The following IQGAP1 variants were observed in gnomAD, a reference collection of about 807,000 sequenced individuals.
The protein encoded by IQGAP1 is ras GTPase-activating-like protein IQGAP1.
IQGAP1 carries 66 observed loss-of-function variants against 215.6 expected under a neutral mutation model. That is an observed-to-expected ratio of 0.31 (90% confidence interval 0.25 to 0.38). The LOEUF is 0.38. Among genes scored for constraint, IQGAP1 ranks in the 10% least tolerant of loss-of-function variants. The pLI, the probability that IQGAP1 is intolerant of heterozygous loss-of-function variation, is 1.00. For missense variants in IQGAP1, 1,712 were observed against 1,997.1 expected (o/e 0.86, Z 2.72); for synonymous variants, 772 against 728.7 (o/e 1.06, Z -0.96).
chr15:90,456,926 A>G (rs779527510), intron 15 of IQGAP1, among the ~76,000 whole-genome samples: 110 of 83,224 alleles, frequency 1.3e-3, no homozygotes, highest in Middle Eastern at 6.5e-3. Flanking sequence ...GTGTGTGTGT[A>G]TATATATATA....
rs568715173 is a variant in IQGAP1, at chr15:90,411,863, T to TGA, written c.156-14246_156-14245dup. ...TCACCAGACTCTGGATCTGAAGACTTGATCAAGGAGTAAGTAATCTATTAG... is the reference window on the plus strand; with the variant it reads ...TCACCAGACTCTGGATCTGAAGACTTGAGATCAAGGAGTAAGTAATCTATTAG... On this transcript the variant is annotated intron_variant, in intron 2 of 37. Transcript: ENST00000268182. Among the ~76,000 whole-genome samples, 29 of 152,326 alleles carry TGA rather than the reference T, an allele frequency of 1.9e-4. 1 individual carries two copies. In the East Asian group the frequency reaches 5.4e-3, roughly 28 times the overall value.
chr15:90,396,123 A>G (rs546669700), intron 2 of IQGAP1, among the ~76,000 whole-genome samples: 79 of 152,314 alleles, frequency 5.2e-4, no homozygotes, highest in Admixed American at 3.3e-4. Flanking sequence ...TTGAAAAGGT[A>G]TCTTGGAAAG....
chr15:90,423,978 G>A (rs1257409189), intron 2 of IQGAP1, among the ~76,000 whole-genome samples: 3 of 151,968 alleles, frequency 2.0e-5, no homozygotes, highest in East Asian at 3.9e-4. Context: ...CTCTTTATCC[G>A]TAGTTTTCCC....
rs1964967562 is a variant in IQGAP1, at chr15:90,411,634, CAGGTTAGTAATGATTAGG to C, written c.156-14475_156-14458del. Among the ~76,000 whole-genome samples the C allele has an allele frequency of 1.5e-4, 23 of 152,132 alleles. 1 individual carries two copies. The highest frequency in any genetic ancestry group is 1.5e-3 in the Admixed American group (23 of 15,270). On this transcript the variant is annotated intron_variant, in intron 2 of 37. Coordinates refer to ENST00000268182, the MANE Select transcript of IQGAP1 (RefSeq NM_003870.4). ...TTGTTTTCTTCTCAAGAGCTGCTCA[CAGGTTAGTAATGATTAGG>C]CTGTAGAGCTGCTCACAGGTTAGTA...
intron 2 of IQGAP1, among the ~76,000 whole-genome samples, chr15:90,406,974 C>T (rs956059895): frequency 1.3e-5 from 2 of 152,270 alleles, no homozygotes; most frequent in Admixed American, 6.5e-5. Flanking sequence ...CCACTGTCCT[C>T]TGGACTAATC....
intron 26 of IQGAP1, among the ~76,000 whole-genome samples, chr15:90,478,227 G>T (rs1011774373): frequency 2.0e-5 from 3 of 152,094 alleles, no homozygotes; most frequent in African/African-American, 7.2e-5. Flanking sequence ...CTGACCTCAG[G>T]CAATCCATCT....
At chr15:90,488,704 G>T (rs1966163068) in intron 33 of IQGAP1, among the ~76,000 whole-genome samples, 2 of 152,132 alleles carry the variant, frequency 1.3e-5, no homozygotes, top group South Asian at 4.1e-4. Flanking sequence ...AAAAGAAGTG[G>T]AACCGGAGCC....
Position 90,453,179 on chromosome 15 carries a change from A to G in IQGAP1, c.1374A>G (p.Ser458=), listed in dbSNP as rs377087477. 1.4e-5 allele frequency: 22 copies of G among 1,614,026 alleles called. 1 individual carries two copies. Among genetic ancestry groups the G allele is most frequent in the Middle Eastern group, 1.7e-4 (1 of 6,054 alleles). The change falls in exon 13 of 38, where the codon TCA becomes TCG. Residue 458 remains serine, a synonymous_variant. Coordinates refer to ENST00000268182, the MANE Select transcript of IQGAP1 (RefSeq NM_003870.4). Reference sequence around the variant, plus strand: ...TCTCTGTCGCAGTGGAGATGTTGTCATCGGTGGCCCTGATCAACAGGGCAT... The same window carrying G: ...TCTCTGTCGCAGTGGAGATGTTGTCGTCGGTGGCCCTGATCAACAGGGCAT... The part of the protein sequence containing the change: ...PELSVAVEML[S]SVALINRALE...
intron 2 of IQGAP1, among the ~76,000 whole-genome samples, chr15:90,408,636 C>G (rs779524113): frequency 1.4e-4 from 21 of 152,108 alleles, no homozygotes; most frequent in Non-Finnish European, 3.1e-4. Flanking sequence ...GGCTGATCAC[C>G]TAAAAGTTAT....
At chr15:90,479,803 G>A (rs1465592783) in intron 26 of IQGAP1, among the ~76,000 whole-genome samples, 5 of 152,072 alleles carry the variant, frequency 3.3e-5, no homozygotes, top group Non-Finnish European at 7.4e-5. Context: ...ATGTAGGTCT[G>A]TTATCAGGAC....
intron 12 of IQGAP1, 49 bp from the exon 13 acceptor site, chr15:90,453,083 T>C: frequency 6.4e-7 from 1 of 1,569,332 alleles, no homozygotes; most frequent in Non-Finnish European, 8.6e-7. Flanking sequence ...CCCTGGGTCT[T>C]GGAGAATGTC....
intron 3 of IQGAP1, among the ~76,000 whole-genome samples, chr15:90,426,717 G>A (rs569596170): frequency 1.3e-5 from 2 of 152,264 alleles, no homozygotes; most frequent in South Asian, 4.1e-4. Context: ...TACTTTGGGA[G>A]GCTGAGGTGG....
intron 2 of IQGAP1, among the ~76,000 whole-genome samples, chr15:90,406,592 G>C (rs919954631): frequency 6.6e-6 from 1 of 152,240 alleles, no homozygotes; most frequent in South Asian, 2.1e-4. Context: ...TCGTATCTCA[G>C]CAAAAAGAGC....
intron 13 of IQGAP1, among the ~76,000 whole-genome samples, chr15:90,453,765 G>C (rs1226487100): frequency 6.6e-6 from 1 of 152,142 alleles, no homozygotes; most frequent in East Asian, 1.9e-4. Flanking sequence ...GATAGTTCTA[G>C]TTGCTTTCTC....
At chr15:90,411,964 A>G (rs560372162) in intron 2 of IQGAP1, among the ~76,000 whole-genome samples, 96 of 152,312 alleles carry the variant, frequency 6.3e-4, no homozygotes, top group African/African-American at 2.2e-3. Context: ...TTTTTAATGT[A>G]CAATTCAATA....
chr15:90,436,815 T>G (rs995789587), intron 5 of IQGAP1, among the ~76,000 whole-genome samples: 3 of 152,234 alleles, frequency 2.0e-5, no homozygotes, highest in Non-Finnish European at 4.4e-5. Flanking sequence ...CTCCAGTGTC[T>G]CCATAAAATA....
At chr15:90,410,464 A>G (rs1334960282) in intron 2 of IQGAP1, among the ~76,000 whole-genome samples, 3 of 152,226 alleles carry the variant, frequency 2.0e-5, no homozygotes, top group Non-Finnish European at 4.4e-5. Flanking sequence ...AGACTGGATT[A>G]AGAAAATGTG....
At chr15:90,437,644 T>C (rs976162929) in intron 5 of IQGAP1, among the ~76,000 whole-genome samples, 12 of 152,150 alleles carry the variant, frequency 7.9e-5, no homozygotes, top group Admixed American at 1.3e-4. Context: ...GCACAAGCTA[T>C]CCTCCTGCCT....
chr15:90,428,228 A>G lies in IQGAP1; in HGVS notation c.313-1361A>G, dbSNP rs535612822. ...GTTGGGACTATGGGAGCATGCTACT[A>G]CACCAGGCTAATTTAAACAAATTTT... is the stretch of plus-strand genomic sequence containing the variant. On this transcript the variant is annotated intron_variant, in intron 3 of 37. Transcript: ENST00000268182. Among the ~76,000 whole-genome samples, 78 of 152,082 alleles carry G rather than the reference A, an allele frequency of 5.1e-4. 1 individual carries two copies. Among genetic ancestry groups the G allele is most frequent in the Middle Eastern group, 6.8e-3 (2 of 294 alleles).
Sources: gnomAD v4.1 joint callset for allele counts (sites outside exome capture counted in the v4.1 genomes callset) on GRCh38, gnomAD v4.1.1 for gene constraint, MANE v1.5 for transcripts, NCBI Gene and HGNC (gene_info 2026-07-23, HGNC 2026-07-21) for gene names.